The following COBLL1 variants were observed in gnomAD, a reference collection of about 807,000 sequenced individuals.
COBLL1 encodes cordon-bleu WH2 repeat protein like 1, also known as cordon-bleu protein-like 1.
Under a neutral mutation model 94.8 loss-of-function variants are expected in COBLL1, and 50 were observed. The ratio of observed to expected loss-of-function variants is 0.53; its 90% confidence interval spans 0.42 to 0.67. The LOEUF (loss-of-function observed/expected upper bound fraction) is 0.67, where lower values mean the gene tolerates loss of function less well. Among genes scored for constraint, COBLL1 ranks in the 30% least tolerant of loss-of-function variants. COBLL1 has a pLI of 0.00. For missense variants in COBLL1, 1,362 were observed against 1,348.7 expected (o/e 1.01, Z -0.15); for synonymous variants, 448 against 473.8 (o/e 0.95, Z 0.71).
Position 164,705,057 on chromosome 2 carries a change from T to A in COBLL1, c.1045A>T (p.Ser349Cys). The change falls in exon 8 of 14, where the codon AGC becomes TGC. Residue 349 changes from serine (S) to cysteine (C), a missense_variant. By Grantham distance (112) the Ser-to-Cys change is moderately radical. Coordinates refer to ENST00000652658, the MANE Select transcript of COBLL1 (RefSeq NM_001365672.2). ...AAAGATGAATTCCCTGCAGACATGC[T>A]GCTGAGCTGCAGTGAACCTGCCCTC... ...RVRAGSLQLS[S>C]MSAGNSSLRR... 1 of 1,599,360 alleles carries A rather than the reference T, an allele frequency of 6.3e-7. No individual in the cohort carries two copies. The highest frequency in any genetic ancestry group is 8.5e-7 in the Non-Finnish European group (1 of 1,173,110).
At chr2:164,696,432 G>T (rs6752978) in intron 11 of COBLL1, 62,488 of 151,876 alleles carry the variant, frequency 0.41, 14,712 homozygotes, top group African/African-American at 0.64. Flanking sequence ...TCAGTTGATT[G>T]TCTTGTTAAC....
At chr2:164,807,753 G>A (rs1420958540) in intron 2 of COBLL1, among the ~76,000 whole-genome samples, 1 of 152,034 alleles carries the variant, frequency 6.6e-6, no homozygotes, top group South Asian at 2.1e-4. Context: ...AAGCATTTAG[G>A]ATAATTTAAT....
intron 7 of COBLL1, among the ~76,000 whole-genome samples, chr2:164,715,296 T>C (rs150027315): frequency 6.6e-6 from 1 of 152,280 alleles, no homozygotes; most frequent in Non-Finnish European, 1.5e-5. Context: ...TATAGACAGC[T>C]GTATTCTGTA....
At chr2:164,801,296 G>A (rs1404745647) in intron 2 of COBLL1, among the ~76,000 whole-genome samples, 4 of 150,954 alleles carry the variant, frequency 2.6e-5, no homozygotes, top group Admixed American at 6.6e-5. Context: ...AAAATTAGCC[G>A]GGCGTGGTAG....
intron 3 of COBLL1, among the ~76,000 whole-genome samples, chr2:164,733,269 A>C (rs1486159751): frequency 6.6e-6 from 1 of 152,204 alleles, no homozygotes; most frequent in Non-Finnish European, 1.5e-5. Flanking sequence ...TCTAATAAAT[A>C]GTGTGGGTAA....
intron 7 of COBLL1, among the ~76,000 whole-genome samples, chr2:164,710,599 C>T (rs1684845304): frequency 6.8e-6 from 1 of 146,164 alleles, no homozygotes; most frequent in Non-Finnish European, 1.5e-5. Flanking sequence ...GAGTTTCGCT[C>T]TGTTGCCCAG....
At chr2:164,722,710 G>C (rs1272021909) in intron 5 of COBLL1, 188 bp from the exon 6 acceptor site, 2 of 336,534 alleles carry the variant, frequency 5.9e-6, no homozygotes, top group Non-Finnish European at 1.1e-5. Flanking sequence ...CTATTTCACA[G>C]CAGAGGAAAC....
intron 7 of COBLL1, 143 bp from the exon 8 acceptor site, chr2:164,705,248 G>T: frequency 1.9e-6 from 1 of 520,606 alleles, no homozygotes; most frequent in South Asian, 5.9e-5. Flanking sequence ...TGAAGCATCT[G>T]CCACACACAG....
intron 13 of COBLL1, among the ~76,000 whole-genome samples, chr2:164,688,074 T>C (rs999075381): frequency 2.6e-5 from 4 of 151,996 alleles, no homozygotes; most frequent in Non-Finnish European, 4.4e-5. Context: ...AATATATATA[T>C]AAACAATTTT....
intron 2 of COBLL1, chr2:164,837,307 C>A: frequency 3.6e-6 from 1 of 279,370 alleles, no homozygotes; most frequent in South Asian, 3.6e-5. Context: ...GATAAGCACC[C>A]AAGTTGATGT....
At chr2:164,818,018 T>C (rs1201037445) in intron 2 of COBLL1, among the ~76,000 whole-genome samples, 4 of 151,986 alleles carry the variant, frequency 2.6e-5, no homozygotes, top group African/African-American at 7.2e-5. Context: ...CTTTTTCATA[T>C]TAATCTTTAC....
intron 2 of COBLL1, among the ~76,000 whole-genome samples, chr2:164,755,795 T>C (rs1558984761): frequency 6.6e-6 from 1 of 152,202 alleles, no homozygotes; most frequent in Non-Finnish European, 1.5e-5. Context: ...AATGCCCTTT[T>C]AAATTCATGT....
rs558305841 is a variant in COBLL1, at chr2:164,720,015, G to T, written c.996+2060C>A. Among the ~76,000 whole-genome samples the T allele has an allele frequency of 5.9e-5, 9 of 152,230 alleles. No individual in the cohort carries two copies. In the South Asian group the frequency reaches 1.7e-3, roughly 28 times the overall value. On this transcript the variant is annotated intron_variant, in intron 7 of 13. Transcript: ENST00000652658. Reference sequence around the variant, plus strand: ...AAAAAGACAAATCAAGACCAAGGGGGTAATTAACCACATCAAATATATCAA... The same window carrying T: ...AAAAAGACAAATCAAGACCAAGGGGTTAATTAACCACATCAAATATATCAA...
At chr2:164,813,088 T>C (rs1331992093) in intron 2 of COBLL1, among the ~76,000 whole-genome samples, 2 of 152,100 alleles carry the variant, frequency 1.3e-5, no homozygotes, top group Non-Finnish European at 2.9e-5. Flanking sequence ...AAATTAGATT[T>C]TAGAAAGTGG....
chr2:164,821,493 T>C (rs1574652793), intron 2 of COBLL1, among the ~76,000 whole-genome samples: 1 of 152,192 alleles, frequency 6.6e-6, no homozygotes, highest in Non-Finnish European at 1.5e-5. Flanking sequence ...GAAGACAGCA[T>C]AGTGAGTGTT....
In COBLL1 at chr2:164,695,145, T is replaced by C. The variant is rs757045580; in HGVS notation, c.2247A>G (p.Gln749=). The part of the protein sequence containing the change: ...PKSLEISKDW[Q]SETIEYKDDQ... ...CATCTTTATACTCTATGGTTTCTGA[T>C]TGCCAGTCTTTCGATATTTCCAAGG... The change falls in exon 12 of 14, where the codon CAA becomes CAG. Residue 749 remains glutamine (Q), a synonymous_variant. Coordinates refer to ENST00000652658, the MANE Select transcript of COBLL1 (RefSeq NM_001365672.2). 4 of 1,614,012 alleles carry C rather than the reference T, an allele frequency of 2.5e-6. No homozygotes were observed. Among genetic ancestry groups the C allele is most frequent in the Non-Finnish European group, 3.4e-6 (4 of 1,179,958 alleles).
At chr2:164,808,020 A>G (rs1358043949) in intron 2 of COBLL1, among the ~76,000 whole-genome samples, 1 of 152,030 alleles carries the variant, frequency 6.6e-6, no homozygotes, top group Non-Finnish European at 1.5e-5. Context: ...GGGTTTCACC[A>G]TGTTCACCAG....
intron 2 of COBLL1, among the ~76,000 whole-genome samples, chr2:164,830,347 CA>C (rs1252912987): frequency 6.6e-6 from 1 of 152,010 alleles, no homozygotes; most frequent in Non-Finnish European, 1.5e-5. Flanking sequence ...TTGCTATCAA[CA>C]AAAAAGAATG....
chr2:164,690,776 C>T (rs2105418860), intron 13 of COBLL1, among the ~76,000 whole-genome samples: 1 of 152,080 alleles, frequency 6.6e-6, no homozygotes, highest in South Asian at 2.1e-4. Flanking sequence ...GTATCTAGTA[C>T]AATATTTGTT....
Sources: allele counts gnomAD v4.1 joint callset (sites outside exome capture counted in the v4.1 genomes callset), GRCh38; gene constraint gnomAD v4.1.1; transcripts MANE v1.5; gene names NCBI Gene and HGNC (gene_info 2026-07-23, HGNC 2026-07-21).